KCNS3: variants seen among roughly 807,000 people sequenced by gnomAD.
KCNS3 encodes the protein potassium voltage-gated channel modifier subfamily S member 3.
In KCNS3, 13 loss-of-function variants were observed where a neutral mutation model predicts 31.0. The observed-to-expected ratio is 0.42, with a 90% CI of 0.27 to 0.67. The LOEUF (loss-of-function observed/expected upper bound fraction) is 0.67. KCNS3 is among the 30% of genes least tolerant of loss of function. The pLI, the probability that KCNS3 is intolerant of heterozygous loss-of-function variation, is 0.25. For synonymous variants in KCNS3, 238 were observed against 241.5 expected (o/e 0.99, Z 0.13); for missense variants, 545 against 622.4 (o/e 0.88, Z 1.32).
chr2:17,926,480 C>G (rs1286612006), intron 2 of KCNS3, among the ~76,000 whole-genome samples: 1 of 152,254 alleles, frequency 6.6e-6, no homozygotes, highest in South Asian at 2.1e-4. Context: ...GCCCCTGTAG[C>G]AAACTTCTGC....
intron 2 of KCNS3, among the ~76,000 whole-genome samples, chr2:17,919,859 TCAGA>T (rs1340254936): frequency 6.6e-6 from 1 of 152,194 alleles, no homozygotes; most frequent in Non-Finnish European, 1.5e-5. Context: ...CTCGCCATGC[TCAGA>T]CAATGCTGTA....
intron 1 of KCNS3, among the ~76,000 whole-genome samples, chr2:17,915,671 A>C (rs1220820060): frequency 1.3e-5 from 2 of 152,210 alleles, no homozygotes; most frequent in African/African-American, 4.8e-5. Flanking sequence ...GATGTGTGTA[A>C]AAATCCTAAA....
chr2:17,910,601 G>C (rs1479859455), intron 1 of KCNS3, among the ~76,000 whole-genome samples: 2 of 151,558 alleles, frequency 1.3e-5, no homozygotes, highest in South Asian at 2.1e-4. Flanking sequence ...TGGGATTCTT[G>C]GTGGATTGGC....
intron 1 of KCNS3, among the ~76,000 whole-genome samples, chr2:17,905,163 A>G (rs951023590): frequency 1.2e-4 from 19 of 152,200 alleles, no homozygotes; most frequent in Non-Finnish European, 1.8e-4. Context: ...TTCTCCTTGA[A>G]GAGGTCCTTC....
intron 2 of KCNS3, among the ~76,000 whole-genome samples, chr2:17,925,994 C>T (rs547814543): frequency 6.0e-4 from 92 of 152,346 alleles, no homozygotes; most frequent in African/African-American, 2.1e-3. Context: ...TACCAAGATA[C>T]AATGGGGGTA....
chr2:17,921,915 G>GTGTATATATATATATA (rs375189924), intron 2 of KCNS3, among the ~76,000 whole-genome samples: 2 of 32,806 alleles, frequency 6.1e-5, no homozygotes, highest in African/African-American at 2.4e-4. Flanking sequence ...GTGTGTGTGT[G>GTGTATATATATATATA]TATATATATA....
intron 1 of KCNS3, among the ~76,000 whole-genome samples, chr2:17,909,465 C>T (rs1662420280): frequency 1.3e-5 from 2 of 152,138 alleles, no homozygotes; most frequent in Admixed American, 1.3e-4. Context: ...ACCCACTGTC[C>T]TGCCCCCACT....
intron 1 of KCNS3, among the ~76,000 whole-genome samples, chr2:17,908,969 C>G (rs1168522079): frequency 6.6e-6 from 1 of 152,182 alleles, no homozygotes; most frequent in African/African-American, 2.4e-5. Flanking sequence ...CTGGGAGAAC[C>G]ACTACTCCCT....
At chr2:17,884,759 A>G (rs1213505412) in intron 1 of KCNS3, among the ~76,000 whole-genome samples, 2 of 152,182 alleles carry the variant, frequency 1.3e-5, no homozygotes, top group Admixed American at 6.5e-5. Context: ...GTATAGAGTT[A>G]TAGCACTTCT....
intron 1 of KCNS3, among the ~76,000 whole-genome samples, chr2:17,881,243 G>T (rs890584964): frequency 6.6e-6 from 1 of 152,152 alleles, no homozygotes; most frequent in Non-Finnish European, 1.5e-5. Context: ...ACTCTGCAGG[G>T]TATGTTGAAG....
At chr2:17,906,367 CT>C (rs936426927) in intron 1 of KCNS3, among the ~76,000 whole-genome samples, 126 of 152,200 alleles carry the variant, frequency 8.3e-4, no homozygotes, top group African/African-American at 2.9e-3. Context: ...CTTTATTAGT[CT>C]TGCTAGCGGT....
At chr2:17,893,951 T>G (rs1218706852) in intron 1 of KCNS3, among the ~76,000 whole-genome samples, 1 of 148,450 alleles carries the variant, frequency 6.7e-6, no homozygotes, top group African/African-American at 2.5e-5. Flanking sequence ...TTTTTTTTTT[T>G]TTTTTTTTTT....
intron 2 of KCNS3, among the ~76,000 whole-genome samples, chr2:17,928,360 G>A (rs1662882298): frequency 6.6e-6 from 1 of 152,090 alleles, no homozygotes; most frequent in African/African-American, 2.4e-5. Flanking sequence ...TCCCCCTCCT[G>A]GGTTCAAGTG....
At chr2:17,916,530 C>T (rs1662589613) in intron 1 of KCNS3, among the ~76,000 whole-genome samples, 1 of 152,184 alleles carries the variant, frequency 6.6e-6, no homozygotes, top group African/African-American at 2.4e-5. Context: ...GATCTTTCTT[C>T]AGTATAATCT....
intron 1 of KCNS3, among the ~76,000 whole-genome samples, chr2:17,914,669 T>A (rs1662548986): frequency 6.6e-6 from 1 of 152,212 alleles, no homozygotes; most frequent in African/African-American, 2.4e-5. Flanking sequence ...ACAGCGATAA[T>A]TAATATGAAG....
intron 1 of KCNS3, among the ~76,000 whole-genome samples, chr2:17,914,647 C>T (rs147185031): frequency 6.6e-6 from 1 of 152,312 alleles, no homozygotes; most frequent in Non-Finnish European, 1.5e-5. Flanking sequence ...ATGTGTCATG[C>T]ACTACCCTGT....
intron 1 of KCNS3, among the ~76,000 whole-genome samples, chr2:17,885,743 A>G (rs917839601): frequency 6.6e-6 from 1 of 152,208 alleles, no homozygotes; most frequent in African/African-American, 2.4e-5. Context: ...AAAGTCTACC[A>G]ATTTATATGC....
At chr2:17,906,949 T>G (rs985686519) in intron 1 of KCNS3, among the ~76,000 whole-genome samples, 2 of 152,190 alleles carry the variant, frequency 1.3e-5, no homozygotes, top group Non-Finnish European at 2.9e-5. Context: ...ATATGTGGTG[T>G]AGAGTGCTGT....
At chr2:17,878,987 C>A (rs1413444307) in intron 1 of KCNS3, among the ~76,000 whole-genome samples, 181 bp downstream of exon 1, 5 of 152,226 alleles carry the variant, frequency 3.3e-5, no homozygotes, top group Non-Finnish European at 7.3e-5. Flanking sequence ...GCGTCTGGCC[C>A]GCGGCGCCCG....
Sources: gnomAD v4.1 joint callset for allele counts (sites outside exome capture counted in the v4.1 genomes callset) on GRCh38, gnomAD v4.1.1 for gene constraint, MANE v1.5 for transcripts, NCBI Gene and HGNC (gene_info 2026-07-23, HGNC 2026-07-21) for gene names.